The following SHB variants were observed in gnomAD, a reference collection of about 807,000 sequenced individuals.
SHB encodes the protein SH2 domain-containing adapter protein B.
Under a neutral mutation model 52.3 loss-of-function variants are expected in SHB, and 20 were observed. The observed-to-expected ratio is 0.38, with a 90% CI of 0.27 to 0.56. The LOEUF (loss-of-function observed/expected upper bound fraction) is 0.56. Among genes scored for constraint, SHB ranks in the 20% least tolerant of loss-of-function variants. The pLI, the probability that SHB is intolerant of heterozygous loss-of-function variation, is 0.71. For missense variants in SHB, 825 were observed against 723.3 expected (o/e 1.14, Z -1.61); for synonymous variants, 397 against 316.5 (o/e 1.25, Z -2.70).
chr9:37,966,372 TA>T (rs1487046152), intron 3 of SHB, among the ~76,000 whole-genome samples: 2 of 152,228 alleles, frequency 1.3e-5, no homozygotes, highest in Non-Finnish European at 2.9e-5. Flanking sequence ...GAAACAAAGC[TA>T]TTAAACATTG....
chr9:37,972,680 T>C (rs553087797), intron 3 of SHB, among the ~76,000 whole-genome samples: 11 of 152,244 alleles, frequency 7.2e-5, no homozygotes, highest in African/African-American at 2.6e-4. Context: ...AAAGGAGGCA[T>C]AGAATTGTTC....
rs771269930 is a variant in SHB at position 37,984,589 on chromosome 9, A to T, written c.839-9752T>A. On this transcript the variant is annotated intron_variant, in intron 2 of 5. Coordinates refer to ENST00000377707, the MANE Select transcript of SHB (RefSeq NM_003028.3). ...AGACACTTTCTGACATTTTTTTTTT[A>T]AATCAGTCTGTCTTGTTTTTGGTCT... 2.6e-3 allele frequency among the ~76,000 whole-genome samples: 396 copies of T among 151,716 alleles called. 1 individual carries two copies. Among genetic ancestry groups the T allele is most frequent in the Non-Finnish European group, 4.5e-3 (307 of 67,882 alleles).
intron 3 of SHB, among the ~76,000 whole-genome samples, chr9:37,962,225 A>G (rs1479175953): frequency 6.6e-6 from 1 of 152,184 alleles, no homozygotes; most frequent in Non-Finnish European, 1.5e-5. Flanking sequence ...CTCTGATACA[A>G]TGCCTGTATC....
chr9:38,017,228 A>G (rs1409970761), intron 1 of SHB, among the ~76,000 whole-genome samples: 1 of 152,188 alleles, frequency 6.6e-6, no homozygotes, highest in African/African-American at 2.4e-5. Context: ...GCAAAGACCA[A>G]GCCCTCAGCT....
At chr9:38,026,574 A>C (rs1189409077) in intron 1 of SHB, among the ~76,000 whole-genome samples, 1 of 152,224 alleles carries the variant, frequency 6.6e-6, no homozygotes, top group Non-Finnish European at 1.5e-5. Flanking sequence ...AGCCACAATT[A>C]CCAGCCCCAT....
At chr9:37,953,475 C>T (rs558507767) in intron 4 of SHB, among the ~76,000 whole-genome samples, 1 of 151,770 alleles carries the variant, frequency 6.6e-6, no homozygotes, top group African/African-American at 2.4e-5. Flanking sequence ...CGTTCATATA[C>T]TGATGGTAAT....
chr9:38,068,608 T>C lies in SHB; in HGVS notation c.38A>G (p.Asn13Ser), dbSNP rs1187099479. Reference sequence around the variant, plus strand: ...CTGCGGGGGGCTCTTGGTCTTGCTGTTGCCCAAGCTGAAGTACTTGTTTAG... The same window carrying C: ...CTGCGGGGGGCTCTTGGTCTTGCTGCTGCCCAAGCTGAAGTACTTGTTTAG... ...KWLNKYFSLG[N>S]SKTKSPPQPP... Residue 13 changes from asparagine to serine, a missense_variant, in exon 1 of 6, where the codon AAC becomes AGC. By Grantham distance (46) the Asn-to-Ser change is conservative (BLOSUM62 1). Coordinates refer to ENST00000377707, the MANE Select transcript of SHB (RefSeq NM_003028.3). 3.4e-6 allele frequency: 5 copies of C among 1,490,952 alleles called. No homozygotes were observed. Among genetic ancestry groups the C allele is most frequent in the African/African-American group, 2.9e-5 (2 of 68,214 alleles). 92.4% of individuals were successfully genotyped at this position (1,490,952 alleles called of 1,614,324 possible). A position where few individuals can be genotyped will look rare whatever the true frequency, so the allele number is the denominator to read the frequency against.
intron 5 of SHB, among the ~76,000 whole-genome samples, chr9:37,943,436 G>C (rs1832456850): frequency 6.6e-6 from 1 of 152,160 alleles, no homozygotes; most frequent in South Asian, 2.1e-4. Context: ...CTGGGCTGGA[G>C]AGGCTGTGAA....
At chr9:37,996,252 C>G (rs12553123) in intron 2 of SHB, among the ~76,000 whole-genome samples, 3 of 152,252 alleles carry the variant, frequency 2.0e-5, no homozygotes, top group African/African-American at 7.2e-5. Flanking sequence ...TCAGGAGCAT[C>G]TGAACCCCTC....
At chr9:38,038,751 C>G (rs1428271450) in intron 1 of SHB, among the ~76,000 whole-genome samples, 2 of 152,168 alleles carry the variant, frequency 1.3e-5, no homozygotes, top group African/African-American at 4.8e-5. Context: ...CCCAGGCCAA[C>G]CAATGAGCTG....
intron 2 of SHB, among the ~76,000 whole-genome samples, chr9:38,000,814 A>C (rs144406305): frequency 8.1e-4 from 123 of 152,304 alleles, no homozygotes; most frequent in African/African-American, 2.8e-3. Flanking sequence ...AATGAACCAA[A>C]ATACTGCCCT....
intron 1 of SHB, among the ~76,000 whole-genome samples, chr9:38,036,685 G>A (rs886660873): frequency 1.3e-5 from 2 of 152,222 alleles, no homozygotes; most frequent in Non-Finnish European, 2.9e-5. Context: ...ACTCTCTGGG[G>A]TTCTCTCCAT....
At chr9:37,966,176 G>A (rs1331113317) in intron 3 of SHB, among the ~76,000 whole-genome samples, 2 of 152,232 alleles carry the variant, frequency 1.3e-5, no homozygotes, top group African/African-American at 4.8e-5. Context: ...CTGTGTGCCA[G>A]GCACAGATCA....
chr9:38,014,039 A>G (rs1467172469), intron 2 of SHB, among the ~76,000 whole-genome samples: 1 of 152,198 alleles, frequency 6.6e-6, no homozygotes, highest in Admixed American at 6.5e-5. Flanking sequence ...GTGCCCCAGC[A>G]TCTGATGCAA....
chr9:37,924,428 C>T (rs568767765), intron 5 of SHB, among the ~76,000 whole-genome samples: 23 of 152,300 alleles, frequency 1.5e-4, no homozygotes, highest in South Asian at 6.2e-4. Flanking sequence ...TATGTTAAAT[C>T]GCTTCTTTTC....
At chr9:38,039,012 G>T (rs1398036993) in intron 1 of SHB, among the ~76,000 whole-genome samples, 1 of 152,188 alleles carries the variant, frequency 6.6e-6, no homozygotes, top group Non-Finnish European at 1.5e-5. Context: ...ACATGTTTCT[G>T]AACTCCTGAC....
Position 38,068,445 on chromosome 9 carries a change from C to A in SHB, c.201G>T (p.Ser67=), listed in dbSNP as rs758641612. Residue 67 remains serine, a synonymous_variant, in exon 1 of 6, where the codon TCG becomes TCT. Transcript: ENST00000377707. ...PATASCFSAS[S]GSLPDDSGST... is the part of the protein sequence containing the mutation. ...TGCCGCTGTCGTCGGGCAGCGAGCCCGAAGAGGCTGAGAAGCAGGAGGCGG... is the reference window on the plus strand; with the variant it reads ...TGCCGCTGTCGTCGGGCAGCGAGCCAGAAGAGGCTGAGAAGCAGGAGGCGG... The A allele has an allele frequency of 1.6e-5, 24 of 1,542,702 alleles. No individual in the cohort carries two copies. The highest frequency in any genetic ancestry group is 3.9e-5 in the Admixed American group (2 of 51,884).
At chr9:38,005,540 G>C (rs959449513) in intron 2 of SHB, among the ~76,000 whole-genome samples, 1 of 152,204 alleles carries the variant, frequency 6.6e-6, no homozygotes. Context: ...TCCCTGTAGG[G>C]AGAAGGGGCC....
At chr9:38,006,310 C>G (rs987130417) in intron 2 of SHB, among the ~76,000 whole-genome samples, 7 of 152,230 alleles carry the variant, frequency 4.6e-5, no homozygotes, top group Non-Finnish European at 1.0e-4. Flanking sequence ...ATCCCACACT[C>G]CCAGGCGGGC....
Sources: allele counts gnomAD v4.1 joint callset (sites outside exome capture counted in the v4.1 genomes callset), GRCh38; gene constraint gnomAD v4.1.1; transcripts MANE v1.5; gene names NCBI Gene and HGNC (gene_info 2026-07-23, HGNC 2026-07-21).